Variants in DSCAM observed in about 807,000 individuals in gnomAD.
The protein encoded by DSCAM is DS cell adhesion molecule, also known as cell adhesion molecule DSCAM.
DSCAM carries 47 observed loss-of-function variants against 217.7 expected under a neutral mutation model. The ratio of observed to expected loss-of-function variants is 0.22; its 90% confidence interval spans 0.17 to 0.28. DSCAM has a LOEUF of 0.28. Among genes scored for constraint, DSCAM ranks in the 10% least tolerant of loss-of-function variants. The pLI is 1.00. For missense variants in DSCAM, 2,080 were observed against 2,618.3 expected (o/e 0.79, Z 4.49); for synonymous variants, 1,056 against 1,015.3 (o/e 1.04, Z -0.76).
intron 8 of DSCAM, among the ~76,000 whole-genome samples, chr21:40,319,827 G>C (rs1330304870): frequency 6.6e-6 from 1 of 152,060 alleles, no homozygotes; most frequent in Non-Finnish European, 1.5e-5. Flanking sequence ...GGCACCAAGA[G>C]ATTAAAGGTG....
intron 11 of DSCAM, among the ~76,000 whole-genome samples, chr21:40,197,622 C>G (rs1882797): frequency 0.4 from 60,256 of 152,076 alleles, 12,073 homozygotes; most frequent in Non-Finnish European, 0.42. Flanking sequence ...TTCCCATCCC[C>G]TCTCTTCCCT....
chr21:40,290,748 G>A (rs1261514828), intron 10 of DSCAM, among the ~76,000 whole-genome samples: 1 of 152,212 alleles, frequency 6.6e-6, no homozygotes, highest in East Asian at 1.9e-4. Context: ...GACAGTGTGA[G>A]CCGCCAATAT....
At chr21:40,769,127 TC>T (rs55793042) in intron 1 of DSCAM, among the ~76,000 whole-genome samples, 68,818 of 151,904 alleles carry the variant, frequency 0.45, 16,600 homozygotes, top group African/African-American at 0.61. Context: ...TGCTCTCACT[TC>T]CCAAGGCTAT....
intron 3 of DSCAM, among the ~76,000 whole-genome samples, chr21:40,545,111 G>A (rs2146141165): frequency 6.6e-6 from 1 of 152,256 alleles, no homozygotes; most frequent in African/African-American, 2.4e-5. Flanking sequence ...GAAAAGACAT[G>A]AGAGCTTGTG....
At chr21:40,428,259 T>C (rs1375101365) in intron 3 of DSCAM, among the ~76,000 whole-genome samples, 3 of 146,538 alleles carry the variant, frequency 2.0e-5, no homozygotes, top group East Asian at 2.0e-4. Flanking sequence ...TGTGTGTGTG[T>C]GTGTGTGTGT....
chr21:40,413,272 C>G (rs980029279), intron 3 of DSCAM, among the ~76,000 whole-genome samples: 3 of 152,134 alleles, frequency 2.0e-5, no homozygotes, highest in Admixed American at 6.5e-5. Context: ...TCCTCCAGAC[C>G]CCAGAAAGGT....
chr21:40,202,620 T>A (rs573174903), intron 11 of DSCAM, among the ~76,000 whole-genome samples: 326 of 152,362 alleles, frequency 2.1e-3, no homozygotes, highest in Admixed American at 5.3e-3. Context: ...CCCAGGGATC[T>A]CCTCTACCTG....
chr21:40,280,603 G>C (rs905012720), intron 10 of DSCAM, among the ~76,000 whole-genome samples: 5 of 152,144 alleles, frequency 3.3e-5, no homozygotes, highest in African/African-American at 9.7e-5. Context: ...GAGAATTTTG[G>C]ATTAGGGAAT....
At chr21:40,045,132 G>A (rs1354934447) in intron 30 of DSCAM, among the ~76,000 whole-genome samples, 2 of 152,336 alleles carry the variant, frequency 1.3e-5, no homozygotes, top group African/African-American at 2.4e-5. Flanking sequence ...ATACATTTCT[G>A]TGCTGTGAAG....
At chr21:40,642,046 A>C (rs2089888403) in intron 3 of DSCAM, among the ~76,000 whole-genome samples, 1 of 126,856 alleles carries the variant, frequency 7.9e-6, no homozygotes, top group African/African-American at 3.0e-5. Flanking sequence ...CTGTCTCAAA[A>C]AAAAAAAAAA....
chr21:40,591,912 G>T (rs180990007), intron 3 of DSCAM, among the ~76,000 whole-genome samples: 20 of 152,262 alleles, frequency 1.3e-4, no homozygotes, highest in African/African-American at 4.8e-4. Context: ...TACATTATCT[G>T]CCCAAGAATT....
intron 3 of DSCAM, among the ~76,000 whole-genome samples, chr21:40,425,611 T>C (rs1353968984): frequency 7.1e-6 from 1 of 140,346 alleles, no homozygotes; most frequent in Non-Finnish European, 1.5e-5. Flanking sequence ...TTCAGGAGGC[T>C]GATACAGGAG....
At chr21:40,498,818 T>C (rs1327985828) in intron 3 of DSCAM, among the ~76,000 whole-genome samples, 17 of 111,768 alleles carry the variant, frequency 1.5e-4, no homozygotes, top group South Asian at 6.4e-4. Flanking sequence ...TATATATATA[T>C]ACCCATCACT....
intron 3 of DSCAM, among the ~76,000 whole-genome samples, chr21:40,491,812 G>A (rs536418019): frequency 4.3e-4 from 66 of 151,994 alleles, no homozygotes; most frequent in Non-Finnish European, 6.3e-4. Context: ...GCATTTCCTC[G>A]GATGCCACTT....
chr21:40,701,762 T>C (rs557370864), intron 2 of DSCAM, among the ~76,000 whole-genome samples: 23 of 152,284 alleles, frequency 1.5e-4, no homozygotes, highest in African/African-American at 5.5e-4. Context: ...TTGTTAGTGA[T>C]TTAATTTCAT....
intron 3 of DSCAM, among the ~76,000 whole-genome samples, chr21:40,380,254 TTG>T (rs1346696042): frequency 6.6e-6 from 1 of 152,250 alleles, no homozygotes; most frequent in East Asian, 1.9e-4. Flanking sequence ...TCACTAATCT[TTG>T]CTCTAGTTAG....
At chr21:40,070,599 T>G (rs1375847253) in intron 27 of DSCAM, among the ~76,000 whole-genome samples, 2 of 152,194 alleles carry the variant, frequency 1.3e-5, no homozygotes, top group African/African-American at 4.8e-5. Context: ...GGTGGCTTTA[T>G]GCATTAGTGC....
At chr21:40,634,767 GT>G (rs2089734315) in intron 3 of DSCAM, among the ~76,000 whole-genome samples, 1 of 152,144 alleles carries the variant, frequency 6.6e-6, no homozygotes, top group African/African-American at 2.4e-5. Context: ...TGATTTTTCC[GT>G]TTTGGTAATA....
chr21:40,641,080 C>T (rs2089872193), intron 3 of DSCAM, among the ~76,000 whole-genome samples: 1 of 152,124 alleles, frequency 6.6e-6, no homozygotes, highest in Non-Finnish European at 1.5e-5. Context: ...ATAACCAAAC[C>T]TAGTAATACA....
Sources: allele counts gnomAD v4.1 joint callset (sites outside exome capture counted in the v4.1 genomes callset), GRCh38; gene constraint gnomAD v4.1.1; transcripts MANE v1.5; gene names NCBI Gene and HGNC (gene_info 2026-07-23, HGNC 2026-07-21).